Variants in BAZ2B observed in about 807,000 individuals in gnomAD.
The protein encoded by BAZ2B is bromodomain adjacent to zinc finger domain 2B, also known as bromodomain adjacent to zinc finger domain protein 2B.
Under a neutral mutation model 246.0 loss-of-function variants are expected in BAZ2B, and 91 were observed. The observed-to-expected ratio is 0.37, with a 90% CI of 0.31 to 0.44. The LOEUF is 0.44. Among genes scored for constraint, BAZ2B ranks in the 20% least tolerant of loss-of-function variants. BAZ2B has a pLI of 1.00. For synonymous variants in BAZ2B, 855 were observed against 860.0 expected (o/e 0.99, Z 0.10); for missense variants, 2,332 against 2,533.7 (o/e 0.92, Z 1.71).
chr2:159,504,314 TAA>T (rs1420902774), intron 2 of BAZ2B, among the ~76,000 whole-genome samples: 10 of 152,294 alleles, frequency 6.6e-5, no homozygotes, highest in South Asian at 6.2e-4. Flanking sequence ...TTAATTTTAA[TAA>T]AGTGTTGAAA....
At chr2:159,329,174 C>A (rs2064257104) in intron 34 of BAZ2B, among the ~76,000 whole-genome samples, 1 of 149,530 alleles carries the variant, frequency 6.7e-6, no homozygotes, top group African/African-American at 2.5e-5. Flanking sequence ...AGCAAAAAAT[C>A]CAACCCCCTC....
chr2:159,330,271 A>G (rs11680238), intron 34 of BAZ2B, among the ~76,000 whole-genome samples: 52,132 of 152,172 alleles, frequency 0.34, 11,655 homozygotes, highest in Non-Finnish European at 0.51. Context: ...CATTTTACAA[A>G]TGATAACCTC....
At chr2:159,513,820 G>A (rs2151202357) in intron 2 of BAZ2B, among the ~76,000 whole-genome samples, 1 of 152,150 alleles carries the variant, frequency 6.6e-6, no homozygotes, top group South Asian at 2.1e-4. Flanking sequence ...AATACTGAAA[G>A]CCCTGGAGTG....
At chr2:159,395,674 A>T (rs2063914314) in intron 20 of BAZ2B, 95 bp downstream of exon 20, 1 of 1,136,774 alleles carries the variant, frequency 8.8e-7, no homozygotes, top group African/African-American at 1.6e-5. Context: ...ATCACAACAA[A>T]CCTATATTCT....
intron 27 of BAZ2B, among the ~76,000 whole-genome samples, chr2:159,361,358 C>G (rs2059673078): frequency 6.6e-6 from 1 of 152,202 alleles, no homozygotes; most frequent in African/African-American, 2.4e-5. Flanking sequence ...AAAAGCTCAT[C>G]ATCATGGGTC....
intron 1 of BAZ2B, among the ~76,000 whole-genome samples, chr2:159,586,499 G>T (rs944198746): frequency 8.6e-5 from 13 of 150,708 alleles, no homozygotes; most frequent in African/African-American, 2.9e-4. Context: ...TCAACTTCAG[G>T]CTTCTAAGTT....
At chr2:159,339,148 G>T (rs2066178575) in intron 31 of BAZ2B, among the ~76,000 whole-genome samples, 1 of 152,194 alleles carries the variant, frequency 6.6e-6, no homozygotes, top group South Asian at 2.1e-4. Flanking sequence ...TAGAAAGGAA[G>T]GATGGACTCT....
At chr2:159,555,139 T>C (rs2088924598) in intron 2 of BAZ2B, among the ~76,000 whole-genome samples, 1 of 150,020 alleles carries the variant, frequency 6.7e-6, no homozygotes, top group East Asian at 1.9e-4. Context: ...TTGCCCAGGT[T>C]GGAGGGCAGT....
At chr2:159,598,419 A>G (rs768346658) in intron 1 of BAZ2B, among the ~76,000 whole-genome samples, 2 of 152,230 alleles carry the variant, frequency 1.3e-5, no homozygotes, top group Non-Finnish European at 2.9e-5. Flanking sequence ...TTCCTAGGTT[A>G]AGATTATATA....
At chr2:159,351,287 C>T (rs892297295) in intron 27 of BAZ2B, among the ~76,000 whole-genome samples, 6 of 152,064 alleles carry the variant, frequency 3.9e-5, no homozygotes, top group African/African-American at 1.4e-4. Flanking sequence ...AACACCTTGA[C>T]ATGTCGATAA....
At chr2:159,494,190 T>C (rs2080819291) in intron 2 of BAZ2B, among the ~76,000 whole-genome samples, 1 of 152,188 alleles carries the variant, frequency 6.6e-6, no homozygotes, top group African/African-American at 2.4e-5. Context: ...CTGAACTCTT[T>C]AGTCCCAGTT....
At chr2:159,478,262 C>T (rs1038906547) in intron 3 of BAZ2B, among the ~76,000 whole-genome samples, 1 of 152,134 alleles carries the variant, frequency 6.6e-6, no homozygotes, top group African/African-American at 2.4e-5. Context: ...AAGTGTCTAC[C>T]AAGGACTTCC....
At chr2:159,687,560 G>C in the BAZ2B span, among the ~76,000 whole-genome samples, 1 of 152,214 alleles carries the variant, frequency 6.6e-6, no homozygotes, top group African/African-American at 2.4e-5. Flanking sequence ...TGTGTCCAAA[G>C]CTCCATGGAG....
chr2:159,473,422 T>A (rs1227401778), intron 3 of BAZ2B, among the ~76,000 whole-genome samples: 1 of 152,244 alleles, frequency 6.6e-6, no homozygotes, highest in East Asian at 1.9e-4. Context: ...ATATCCACTT[T>A]ATCATTTTTA....
intron 31 of BAZ2B, among the ~76,000 whole-genome samples, chr2:159,342,328 T>G (rs1365168712): frequency 6.6e-6 from 1 of 152,118 alleles, no homozygotes; most frequent in Non-Finnish European, 1.5e-5. Context: ...TATTGAAAAG[T>G]TCATATAGAA....
chr2:159,685,273 T>A, the BAZ2B span, among the ~76,000 whole-genome samples: 7 of 152,192 alleles, frequency 4.6e-5, no homozygotes, highest in African/African-American at 1.7e-4. Context: ...CCAAGTGAAG[T>A]ATAAATATAA....
At chr2:159,552,268 G>A (rs1053165397) in intron 2 of BAZ2B, among the ~76,000 whole-genome samples, 1 of 152,076 alleles carries the variant, frequency 6.6e-6, no homozygotes, top group African/African-American at 2.4e-5. Context: ...CTTGCTGAAA[G>A]TCAATAAAGT....
intron 2 of BAZ2B, among the ~76,000 whole-genome samples, chr2:159,496,294 T>A (rs2081126238): frequency 6.8e-6 from 1 of 146,046 alleles, no homozygotes; most frequent in Non-Finnish European, 1.5e-5. Context: ...AGGAATCCCT[T>A]GAACCCAGGA....
At chr2:159,589,329 C>A (rs1456736323) in intron 1 of BAZ2B, among the ~76,000 whole-genome samples, 1 of 151,622 alleles carries the variant, frequency 6.6e-6, no homozygotes, top group Admixed American at 6.6e-5. Flanking sequence ...TCTAAGCCAA[C>A]TTTCATAAAA....
Sources: allele counts gnomAD v4.1 joint callset (sites outside exome capture counted in the v4.1 genomes callset), GRCh38; gene constraint gnomAD v4.1.1; transcripts MANE v1.5; gene names NCBI Gene and HGNC (gene_info 2026-07-23, HGNC 2026-07-21).